ASTN1: variants seen among roughly 807,000 people sequenced by gnomAD.
The protein encoded by ASTN1 is astrotactin 1, also known as astrotactin-1.
In ASTN1, 41 loss-of-function variants were observed where a neutral mutation model predicts 140.7. That is an observed-to-expected ratio of 0.29 (90% confidence interval 0.23 to 0.38). The LOEUF (loss-of-function observed/expected upper bound fraction) is 0.38, where lower values mean the gene tolerates loss of function less well. ASTN1 is among the 10% of genes least tolerant of loss of function. ASTN1 has a pLI of 1.00. For missense variants in ASTN1, 1,479 were observed against 1,678.8 expected, an observed-to-expected ratio of 0.88 and a Z score of 2.08; for synonymous variants, 640 against 652.2, an observed-to-expected ratio of 0.98 and a Z score of 0.29.
intron 16 of ASTN1, among the ~76,000 whole-genome samples, chr1:176,901,351 G>A (rs1418886337): frequency 6.6e-6 from 1 of 152,184 alleles, no homozygotes; most frequent in Non-Finnish European, 1.5e-5. Context: ...TGTGCTGAAG[G>A]GCAGACAGTG....
At chr1:176,959,202 T>TATTC (rs1368047851) in intron 9 of ASTN1, among the ~76,000 whole-genome samples, 5 of 152,222 alleles carry the variant, frequency 3.3e-5, no homozygotes, top group Non-Finnish European at 1.5e-5. Flanking sequence ...TTTGTTTATT[T>TATTC]ATTCATTCAT....
At chr1:177,061,770 G>T (rs541787964) in intron 1 of ASTN1, among the ~76,000 whole-genome samples, 2 of 152,314 alleles carry the variant, frequency 1.3e-5, no homozygotes, top group South Asian at 4.1e-4. Flanking sequence ...ACTGGGGCTG[G>T]TAGGTTATTT....
intron 18 of ASTN1, among the ~76,000 whole-genome samples, chr1:176,887,433 A>C (rs977874524): frequency 2.0e-5 from 3 of 151,726 alleles, no homozygotes; most frequent in Non-Finnish European, 4.4e-5. Context: ...CTTTCTCCTC[A>C]CCACTACTTC....
At chr1:177,061,778 T>A (rs1179904969) in intron 1 of ASTN1, among the ~76,000 whole-genome samples, 1 of 152,204 alleles carries the variant, frequency 6.6e-6, no homozygotes, top group Non-Finnish European at 1.5e-5. Flanking sequence ...TGGTAGGTTA[T>A]TTCTAAAACC....
chr1:176,873,932 A>C (rs560235326), intron 21 of ASTN1, among the ~76,000 whole-genome samples: 1 of 152,182 alleles, frequency 6.6e-6, no homozygotes, highest in Non-Finnish European at 1.5e-5. Context: ...GTCTGCTCCC[A>C]GCAAACTTCC....
chr1:176,857,376 T>G, downstream of ASTN1: 1 of 395,124 alleles, frequency 2.5e-6, no homozygotes, highest in Non-Finnish European at 4.5e-6. Flanking sequence ...AAATACATTT[T>G]AGGTAATTCC....
At chr1:176,910,257 A>T (rs1295024844) in intron 16 of ASTN1, among the ~76,000 whole-genome samples, 1 of 152,228 alleles carries the variant, frequency 6.6e-6, no homozygotes, top group Non-Finnish European at 1.5e-5. Context: ...GTAAGCACCT[A>T]TCTCAAGCTT....
intron 10 of ASTN1, 31 bp from the exon 11 acceptor site, chr1:176,957,859 G>A (rs749637742): frequency 6.2e-7 from 1 of 1,605,608 alleles, no homozygotes; most frequent in Non-Finnish European, 8.5e-7. Flanking sequence ...AAGCAGGGAG[G>A]AGTCAAGGAG....
At chr1:177,059,809 G>C (rs1677996217) in intron 2 of ASTN1, among the ~76,000 whole-genome samples, 1 of 152,140 alleles carries the variant, frequency 6.6e-6, no homozygotes, top group Admixed American at 6.6e-5. Context: ...GATGGTACTA[G>C]AGCAACAGAT....
chr1:177,006,349 C>T (rs895027464), intron 8 of ASTN1, among the ~76,000 whole-genome samples: 2 of 151,320 alleles, frequency 1.3e-5, no homozygotes, highest in African/African-American at 2.4e-5. Context: ...ATGCCAAAAT[C>T]GTAATGGCAG....
chr1:176,887,106 C>T (rs1306498525), intron 18 of ASTN1, among the ~76,000 whole-genome samples: 1 of 152,152 alleles, frequency 6.6e-6, no homozygotes, highest in Non-Finnish European at 1.5e-5. Context: ...TATTGTTCAT[C>T]CCCAGCCCTC....
chr1:176,985,845 TACACACAC>T (rs60769752), intron 8 of ASTN1, among the ~76,000 whole-genome samples: 1,610 of 129,714 alleles, frequency 0.012, 12 homozygotes, highest in East Asian at 0.037. Context: ...TCTCTCTCTC[TACACACAC>T]ACACACACAC....
chr1:177,139,777 AG>A (rs1682377812), intron 1 of ASTN1, among the ~76,000 whole-genome samples: 1 of 152,172 alleles, frequency 6.6e-6, no homozygotes, highest in Non-Finnish European at 1.5e-5. Flanking sequence ...CTTTTCTTCC[AG>A]GGGCCCCACA....
Position 176,862,781 on chromosome 1 carries a change from C to T in ASTN1, c.*1503G>A, listed in dbSNP as rs942857230. 24 of 976,798 alleles carry T rather than the reference C, an allele frequency of 2.5e-5. No individual in the cohort carries two copies. The highest frequency in any genetic ancestry group is 2.3e-4 in the East Asian group (2 of 8,790). 60.5% of individuals were successfully genotyped at this position (976,798 alleles called of 1,614,324 possible). A position where few individuals can be genotyped will look rare whatever the true frequency, so the allele number is the denominator to read the frequency against. ...ATGATACCTAAAGTGCTTACATCAGCGCCTGGCATACAGCAAGCACTCAAT... is the reference window on the plus strand; with the variant it reads ...ATGATACCTAAAGTGCTTACATCAGTGCCTGGCATACAGCAAGCACTCAAT... On this transcript the variant is annotated 3_prime_UTR_variant, in exon 23 of 23. Transcript: ENST00000361833.
At chr1:176,962,415 A>G (rs1419109195) in intron 9 of ASTN1, among the ~76,000 whole-genome samples, 1 of 152,240 alleles carries the variant, frequency 6.6e-6, no homozygotes, top group African/African-American at 2.4e-5. Flanking sequence ...AATGCCTGAA[A>G]TGATTATCTA....
chr1:177,023,649 C>A, intron 6 of ASTN1, 78 bp from the exon 7 acceptor site: 1 of 1,409,206 alleles, frequency 7.1e-7, no homozygotes, highest in East Asian at 2.6e-5. Flanking sequence ...ACAAGGAAAT[C>A]CCAACCTGAG....
At chr1:177,085,798 C>T (rs563974740) in intron 1 of ASTN1, among the ~76,000 whole-genome samples, 7 of 152,114 alleles carry the variant, frequency 4.6e-5, no homozygotes, top group East Asian at 1.9e-4. Context: ...TCTTCATGAG[C>T]GTGGGCATTG....
chr1:176,861,174 A>T lies in ASTN1; in HGVS notation c.*3110T>A, dbSNP rs770902902. ...TGTTATACCTGAAGATGGTCATATT[A>T]TATTCTTTCTTCCTTCTGCAGTAGT... On this transcript the variant is annotated 3_prime_UTR_variant, in exon 23 of 23. Coordinates refer to ENST00000361833, the MANE Select transcript of ASTN1 (RefSeq NM_004319.3). 1.0e-6 allele frequency: 1 copy of T among 957,578 alleles called. No homozygotes were observed. The highest frequency in any genetic ancestry group is 1.2e-4 in the East Asian group (1 of 8,658). 59.3% of individuals were successfully genotyped at this position (957,578 alleles called of 1,614,324 possible). A position where few individuals can be genotyped will look rare whatever the true frequency, so the allele number is the denominator to read the frequency against.
chr1:176,864,602 C>T (rs1206071662), intron 22 of ASTN1, 81 bp from the exon 23 acceptor site: 6 of 1,546,550 alleles, frequency 3.9e-6, no homozygotes, highest in South Asian at 1.2e-5. Context: ...GTGTGAGACT[C>T]TAAACTTCAA....
Sources: allele counts gnomAD v4.1 joint callset (sites outside exome capture counted in the v4.1 genomes callset), GRCh38; gene constraint gnomAD v4.1.1; transcripts MANE v1.5; gene names NCBI Gene and HGNC (gene_info 2026-07-23, HGNC 2026-07-21).